The following VPS8 variants were observed in gnomAD, a reference collection of about 807,000 sequenced individuals.
The protein encoded by VPS8 is vacuolar protein sorting-associated protein 8 homolog.
Under a neutral mutation model 216.4 loss-of-function variants are expected in VPS8, and 129 were observed. The observed-to-expected ratio is 0.60, with a 90% CI of 0.52 to 0.69. The LOEUF (loss-of-function observed/expected upper bound fraction) is 0.69, where lower values mean the gene tolerates loss of function less well. Among genes scored for constraint, VPS8 ranks in the 30% least tolerant of loss-of-function variants. The pLI is 0.00. For synonymous variants in VPS8, 571 were observed against 565.4 expected, an observed-to-expected ratio of 1.01 and a Z score of -0.14; for missense variants, 1,531 against 1,683.5, an observed-to-expected ratio of 0.91 and a Z score of 1.59.
intron 42 of VPS8, among the ~76,000 whole-genome samples, chr3:184,988,474 A>C (rs1201400601): frequency 6.6e-6 from 1 of 152,214 alleles, no homozygotes; most frequent in African/African-American, 2.4e-5. Flanking sequence ...TACCATATTC[A>C]TATGGGTCTA....
intron 39 of VPS8, among the ~76,000 whole-genome samples, chr3:184,970,413 G>A (rs915558817): frequency 1.3e-5 from 2 of 152,136 alleles, no homozygotes; most frequent in East Asian, 3.9e-4. Context: ...GTCATAAAAG[G>A]TACACTGAGA....
intron 39 of VPS8, among the ~76,000 whole-genome samples, chr3:184,970,984 A>G (rs1268324807): frequency 6.6e-6 from 1 of 152,230 alleles, no homozygotes; most frequent in Non-Finnish European, 1.5e-5. Flanking sequence ...GAAGATTTAT[A>G]AACTGGTTGA....
chr3:184,821,701 T>C (rs1717629776), intron 1 of VPS8, among the ~76,000 whole-genome samples: 1 of 152,132 alleles, frequency 6.6e-6, no homozygotes, highest in African/African-American at 2.4e-5. Flanking sequence ...AATCTGTACC[T>C]AGAACCTAAG....
intron 14 of VPS8, among the ~76,000 whole-genome samples, chr3:184,856,079 G>C (rs1725198451): frequency 6.6e-6 from 1 of 152,198 alleles, no homozygotes; most frequent in Non-Finnish European, 1.5e-5. Flanking sequence ...ATAAAGATAT[G>C]AATGTGAATA....
At chr3:184,917,865 A>G (rs1737889917) in intron 28 of VPS8, among the ~76,000 whole-genome samples, 1 of 152,214 alleles carries the variant, frequency 6.6e-6, no homozygotes, top group Non-Finnish European at 1.5e-5. Flanking sequence ...CTCATAAACA[A>G]CAGAAATGTA....
intron 45 of VPS8, among the ~76,000 whole-genome samples, chr3:185,010,306 AAT>A (rs1754834578): frequency 6.6e-6 from 1 of 152,230 alleles, no homozygotes; most frequent in Admixed American, 6.5e-5. Context: ...AAAAATATCC[AAT>A]ACCCAACAAG....
intron 39 of VPS8, among the ~76,000 whole-genome samples, chr3:184,967,841 CA>C (rs11326717): frequency 0.83 from 111,182 of 133,720 alleles, 46,365 homozygotes; most frequent in Non-Finnish European, 0.9. Flanking sequence ...AACTCCATCT[CA>C]AAAAAAAAAA....
At chr3:185,019,361 C>T (rs1483615841) in intron 45 of VPS8, among the ~76,000 whole-genome samples, 1 of 152,148 alleles carries the variant, frequency 6.6e-6, no homozygotes, top group African/African-American at 2.4e-5. Context: ...CACACACACA[C>T]ACACACAGAA....
chr3:184,984,975 G>T (rs1226965761), intron 42 of VPS8, among the ~76,000 whole-genome samples: 1 of 152,038 alleles, frequency 6.6e-6, no homozygotes, highest in Non-Finnish European at 1.5e-5. Flanking sequence ...TTTATTTTGA[G>T]TTATACTGGC....
In VPS8 at chr3:184,889,546, G is replaced by A. The variant is rs574667319; in HGVS notation, c.1781+3390G>A. Among the ~76,000 whole-genome samples the A allele has an allele frequency of 4.6e-5, 7 of 151,986 alleles. No individual in the cohort carries two copies. The South Asian group carries it at 6.2e-4, about 14-fold the overall frequency. ...TCTCTCAATTCTGTTTTCTAACACCGAAGACTAGATTGTACTAGATCCTGC... is the reference window on the plus strand; with the variant it reads ...TCTCTCAATTCTGTTTTCTAACACCAAAGACTAGATTGTACTAGATCCTGC... On this transcript the variant is annotated intron_variant, in intron 22 of 47. Transcript: ENST00000625842.
intron 22 of VPS8, among the ~76,000 whole-genome samples, chr3:184,892,863 C>G (rs557221040): frequency 2.0e-5 from 3 of 152,250 alleles, no homozygotes; most frequent in African/African-American, 7.2e-5. Flanking sequence ...TCTTTTTTAG[C>G]ATGTTCCTTT....
intron 47 of VPS8, among the ~76,000 whole-genome samples, chr3:185,051,054 C>T (rs574472021): frequency 1.4e-4 from 22 of 152,262 alleles, no homozygotes; most frequent in South Asian, 1.2e-3. Flanking sequence ...GTGTAGAATT[C>T]GTCTCTCCTC....
intron 1 of VPS8, chr3:184,813,622 G>A (rs1047588065): frequency 6.6e-6 from 1 of 152,190 alleles, no homozygotes; most frequent in African/African-American, 2.4e-5. Flanking sequence ...GGTCAAAGAG[G>A]CATTTGTGAG....
intron 1 of VPS8, among the ~76,000 whole-genome samples, chr3:184,819,258 G>T (rs1218306390): frequency 6.6e-6 from 1 of 152,156 alleles, no homozygotes; most frequent in Non-Finnish European, 1.5e-5. Flanking sequence ...ACAGCATACT[G>T]GGTAATTATG....
chr3:185,024,862 C>T (rs545597234), intron 46 of VPS8, among the ~76,000 whole-genome samples: 90 of 152,048 alleles, frequency 5.9e-4, no homozygotes, highest in African/African-American at 2.1e-3. Context: ...ATTAGCTCGG[C>T]GTGGTGGTGC....
intron 29 of VPS8, among the ~76,000 whole-genome samples, chr3:184,923,954 C>A (rs776886510): frequency 6.6e-6 from 1 of 152,216 alleles, no homozygotes; most frequent in Non-Finnish European, 1.5e-5. Context: ...CTTATAATAG[C>A]AGTCATTATA....
rs1313854076 is a variant in VPS8, at chr3:184,826,169, G to A, written c.160G>A (p.Asp54Asn). ...ATTTTTTTTCTTTATTTAGATTGAT[G>A]ACAAGGAGTTTGATATTCCTCAAGT... is the stretch of plus-strand genomic sequence containing the variant. ...ELEFKNDLID[D>N]KEFDIPQVDT... Residue 54 changes from aspartate (D) to asparagine (N), a missense_variant, in exon 3 of 48, where the codon GAC (aspartate) becomes AAC (asparagine). Transcript: ENST00000625842. 2 of 1,606,560 alleles carry A rather than the reference G, an allele frequency of 1.2e-6. No homozygotes were observed. Among genetic ancestry groups the A allele is most frequent in the East Asian group, 4.5e-5 (2 of 44,698 alleles).
intron 1 of VPS8, among the ~76,000 whole-genome samples, chr3:184,820,414 C>T (rs1717325892): frequency 2.0e-5 from 3 of 152,162 alleles, no homozygotes; most frequent in African/African-American, 7.2e-5. Flanking sequence ...TTTCAAGGAC[C>T]TTTGTGATTA....
In VPS8 at chr3:184,852,522, C is replaced by G. The variant is rs776702852; in HGVS notation, c.776C>G (p.Ala259Gly). 1.2e-6 allele frequency: 2 copies of G among 1,613,566 alleles called. No individual in the cohort carries two copies. Among genetic ancestry groups the G allele is most frequent in the Non-Finnish European group, 1.7e-6 (2 of 1,179,664 alleles). The change falls in exon 11 of 48, where the codon GCA becomes GGA. Residue 259 changes from alanine (A) to glycine (G), a missense_variant. By Grantham distance (60) the Ala-to-Gly change is moderately conservative. Coordinates refer to ENST00000625842, the MANE Select transcript of VPS8 (RefSeq NM_001009921.3). ...HIKFTDDPTLAICNDSGGSVF... is the reference protein window; with the variant it reads ...HIKFTDDPTLGICNDSGGSVF... Reference sequence around the variant, plus strand: ...TAGTTTACAGATGATCCAACTCTTGCAATTTGCAACGACAGCGGAGGCTCT... The same window carrying G: ...TAGTTTACAGATGATCCAACTCTTGGAATTTGCAACGACAGCGGAGGCTCT...
Sources: allele counts gnomAD v4.1 joint callset (sites outside exome capture counted in the v4.1 genomes callset), GRCh38; gene constraint gnomAD v4.1.1; transcripts MANE v1.5; gene names NCBI Gene and HGNC (gene_info 2026-07-23, HGNC 2026-07-21).